STYXL2: variants seen among roughly 807,000 people sequenced by gnomAD.
STYXL2 encodes the protein serine/threonine/tyrosine-interacting-like protein 2.
In STYXL2, 44 loss-of-function variants were observed where a neutral mutation model predicts 52.4. That is an observed-to-expected ratio of 0.84 (90% CI 0.66 to 1.08). The LOEUF (loss-of-function observed/expected upper bound fraction) is 1.08, where lower values mean the gene tolerates loss of function less well. STYXL2 is among the 50% of genes least tolerant of loss of function. STYXL2 has a pLI of 0.00. For missense variants in STYXL2, 1,604 were observed against 1,471.7 expected, an observed-to-expected ratio of 1.09 and a Z score of -1.47; for synonymous variants, 604 against 586.9, an observed-to-expected ratio of 1.03 and a Z score of -0.42.
chr1:167,128,502 C>A lies in STYXL2; in HGVS notation c.3371C>A (p.Thr1124Asn), dbSNP rs2281959. The A allele has an allele frequency of 0.31, 504,726 of 1,613,284 alleles. 84,586 individuals carry two copies. Among genetic ancestry groups the A allele is most frequent in the East Asian group, 0.76 (34,218 of 44,788 alleles). ...SGRRSQYRRS[T>N]DREEEEEMDD... ...CGGCGGTCCCAGTATCGGAGAAGCA[C>A]TGACAGGGAGGAAGAGGAAGAAATG... Residue 1124 changes from threonine (T) to asparagine (N), a missense_variant, in exon 6 of 6, where the codon ACT becomes AAT. Thr to Asn is a moderately conservative substitution (Grantham distance 65). Coordinates refer to ENST00000361200, the MANE Select transcript of STYXL2 (RefSeq NM_001080426.3).
At chr1:167,116,130 C>G (rs77270177) in intron 3 of STYXL2, among the ~76,000 whole-genome samples, 2,011 of 152,328 alleles carry the variant, frequency 0.013, 57 homozygotes, top group African/African-American at 0.046. Context: ...TTCTCTCTCT[C>G]TCTCTATTCA....
rs1558029265 is a variant in STYXL2, at chr1:167,128,285, G to A, written c.3154G>A (p.Glu1052Lys). 1.9e-6 allele frequency: 3 copies of A among 1,614,136 alleles called. No individual in the cohort carries two copies. The highest frequency in any genetic ancestry group is 2.2e-5 in the South Asian group (2 of 91,074). The change falls in exon 6 of 6, where the codon GAA becomes AAA. Residue 1052 changes from glutamate to lysine, a missense_variant. Transcript: ENST00000361200. ...CCGGACCCCAGAGTCCTCAGAAAGG[G>A]AAGAGTCCCCAGAACCACAGCGCCC... ...FRRTPESSER[E>K]ESPEPQRPNW...
At position 167,127,337 on chromosome 1, in the gene STYXL2, G is replaced by A. The variant is rs747656470; in HGVS notation, c.2206G>A (p.Ala736Thr). 1 of 1,614,156 alleles carries A rather than the reference G, an allele frequency of 6.2e-7. No homozygotes were observed. ...WIANVVSETL[A>T]QKQNEMLLLS... ...TGCCAATGTAGTCAGTGAGACCCTT[G>A]CTCAGAAGCAAAATGAAATGCTGCT... Residue 736 changes from alanine to threonine, a missense_variant, in exon 6 of 6, where the codon GCT (alanine) becomes ACT (threonine). Ala to Thr is a moderately conservative substitution (Grantham distance 58, BLOSUM62 0). Transcript: ENST00000361200.
rs766543858 is a variant in STYXL2 at position 167,124,817 on chromosome 1, A to G, written c.656-970A>G. 3.3e-5 allele frequency among the ~76,000 whole-genome samples: 5 copies of G among 152,120 alleles called. No individual in the cohort carries two copies. The East Asian group carries it at 7.7e-4, about 23-fold the overall frequency. On this transcript the variant is annotated intron_variant, in intron 5 of 5. Transcript: ENST00000361200. ...TTCATTGTGTGACATATCCTCCCAT[A>G]TTGCAAGTTTATATGGTATCAGTAA... is the stretch of plus-strand genomic sequence containing the variant.
In STYXL2 at chr1:167,127,177, G is replaced by C; in HGVS notation, c.2046G>C (p.Gln682His). The stretch of plus-strand genomic sequence containing the variant: ...ACACGACGTCAGTACTGAGCACCCA[G>C]AGCCACCGCTCCCACCTGTCTCAGG... The part of the protein sequence containing the change: ...DGDTTSVLST[Q>H]SHRSHLSQAA... Residue 682 changes from glutamine to histidine, a missense_variant, in exon 6 of 6, where the codon CAG becomes CAC. Coordinates refer to ENST00000361200, the MANE Select transcript of STYXL2 (RefSeq NM_001080426.3). 1 of 1,614,170 alleles carries C rather than the reference G, an allele frequency of 6.2e-7. No individual in the cohort carries two copies. Among genetic ancestry groups the C allele is most frequent in the Non-Finnish European group, 8.5e-7 (1 of 1,180,002 alleles).
chr1:167,128,539 C>T lies in STYXL2; in HGVS notation c.3408C>T (p.Ala1136=), dbSNP rs1668026492. 3 of 1,613,838 alleles carry T rather than the reference C, an allele frequency of 1.9e-6. No homozygotes were observed. ...REEEEEMDDE[A]IIAAWRRRQE... ...AAGAGGAAGAAATGGACGATGAAGCCATCATTGCTGCTTGGAGACGCCGGC... is the reference window on the plus strand; with the variant it reads ...AAGAGGAAGAAATGGACGATGAAGCTATCATTGCTGCTTGGAGACGCCGGC... Residue 1136 remains alanine, a synonymous_variant, in exon 6 of 6, where the codon GCC becomes GCT. Transcript: ENST00000361200.
intron 2 of STYXL2, among the ~76,000 whole-genome samples, chr1:167,110,528 C>CA (rs1338753394): frequency 6.6e-5 from 10 of 152,024 alleles, no homozygotes; most frequent in South Asian, 6.2e-4. Flanking sequence ...GCATCAACAA[C>CA]AAAAAAATCA....
Position 167,094,877 on chromosome 1 carries a change from G to A in STYXL2, c.28G>A (p.Glu10Lys), listed in dbSNP as rs1667249014. The A allele has an allele frequency of 1.9e-6, 3 of 1,613,442 alleles. No individual in the cohort carries two copies. Among genetic ancestry groups the A allele is most frequent in the Non-Finnish European group, 2.5e-6 (3 of 1,179,840 alleles). ...GGCGACCAGAAAGGACACAGAGGAG[G>A]AGCAGGTAGTCCCAAGCGAGGAGGA... MATRKDTEE[E>K]QVVPSEEDEA... The change falls in exon 2 of 6, where the codon GAG becomes AAG. Residue 10 changes from glutamate to lysine, a missense_variant. Physicochemically the swap from Glu to Lys is moderately conservative, Grantham distance 56. Coordinates refer to ENST00000361200, the MANE Select transcript of STYXL2 (RefSeq NM_001080426.3).
In STYXL2 at chr1:167,129,045, G is replaced by C. The variant is rs1368202038; in HGVS notation, c.*437G>C. On this transcript the variant is annotated 3_prime_UTR_variant, in exon 6 of 6. Transcript: ENST00000361200. Reference sequence around the variant, plus strand: ...ACCCAGAAAGTCTATCCTATGGCAAGTCTGACCTCTCCTGGCAATGCTCAG... The same window carrying C: ...ACCCAGAAAGTCTATCCTATGGCAACTCTGACCTCTCCTGGCAATGCTCAG... 1 of 154,816 alleles carries C rather than the reference G, an allele frequency of 6.5e-6. No individual in the cohort carries two copies. The highest frequency in any genetic ancestry group is 1.4e-5 in the Non-Finnish European group (1 of 70,402). 9.6% of individuals were successfully genotyped at this position (154,816 alleles called of 1,614,324 possible).
At position 167,127,601 on chromosome 1, in the gene STYXL2, T is replaced by G. The variant is rs1668003418; in HGVS notation, c.2470T>G (p.Phe824Val). 2.5e-6 allele frequency: 4 copies of G among 1,614,068 alleles called. No individual in the cohort carries two copies. Among genetic ancestry groups the G allele is most frequent in the Admixed American group, 1.7e-5 (1 of 60,000 alleles). Residue 824 changes from phenylalanine (F) to valine (V), a missense_variant, in exon 6 of 6, where the codon TTC becomes GTC. Transcript: ENST00000361200. ...SKVRGTSKPI[F>V]SLFADNVDLK... is the part of the protein sequence containing the mutation. ...AGTGAGGGGGACCAGCAAGCCCATCTTCAGCCTCTTTGCTGACAATGTGGA... is the reference window on the plus strand; with the variant it reads ...AGTGAGGGGGACCAGCAAGCCCATCGTCAGCCTCTTTGCTGACAATGTGGA...
chr1:167,099,238 T>C (rs960424060), intron 2 of STYXL2, among the ~76,000 whole-genome samples: 1 of 152,198 alleles, frequency 6.6e-6, no homozygotes, highest in Non-Finnish European at 1.5e-5. Context: ...GTATGTATAT[T>C]TTTTAAAACT....
rs1301195734 is a variant in STYXL2, at chr1:167,113,794, C to T, written c.195C>T (p.Ile65=). 1 of 1,613,434 alleles carries T rather than the reference C, an allele frequency of 6.2e-7. No individual in the cohort carries two copies. ...CCTCAGCCATTGCAGCCAAACAGATCATCAATGAAGGTAATGCAATCAAAA... is the reference window on the plus strand; with the variant it reads ...CCTCAGCCATTGCAGCCAAACAGATTATCAATGAAGGTAATGCAATCAAAA... The part of the protein sequence containing the change: ...HLSSAIAAKQ[I]INEELKPPGV... Residue 65 remains isoleucine (I), a synonymous_variant, in exon 3 of 6, where the codon ATC becomes ATT. Coordinates refer to ENST00000361200, the MANE Select transcript of STYXL2 (RefSeq NM_001080426.3).
intron 2 of STYXL2, among the ~76,000 whole-genome samples, chr1:167,108,874 C>T (rs1418788982): frequency 6.6e-6 from 1 of 152,202 alleles, no homozygotes; most frequent in African/African-American, 2.4e-5. Flanking sequence ...GGAAAGTCTG[C>T]CTCCAAACAC....
chr1:167,126,332 G>A lies in STYXL2; in HGVS notation c.1201G>A (p.Glu401Lys), dbSNP rs1448560205. The change falls in exon 6 of 6, where the codon GAG (glutamate) becomes AAG (lysine). Residue 401 changes from glutamate (E) to lysine (K), a missense_variant. By Grantham distance (56) the Glu-to-Lys change is moderately conservative. Coordinates refer to ENST00000361200, the MANE Select transcript of STYXL2 (RefSeq NM_001080426.3). ...RIIQEWQSRN[E>K]RYQAEGYRRW... Reference sequence around the variant, plus strand: ...CATCCAGGAGTGGCAGAGCCGAAACGAGAGGTACCAAGCAGAAGGGTACCG... The same window carrying A: ...CATCCAGGAGTGGCAGAGCCGAAACAAGAGGTACCAAGCAGAAGGGTACCG... The A allele has an allele frequency of 1.3e-6, 2 of 1,523,224 alleles. No homozygotes were observed. Among genetic ancestry groups the A allele is most frequent in the Admixed American group, 2.1e-5 (1 of 47,248 alleles). The allele number at this position is 1,523,224 out of a possible 1,614,324, so 94.4% of individuals were successfully genotyped here.
intron 2 of STYXL2, among the ~76,000 whole-genome samples, chr1:167,099,002 T>C (rs988700098): frequency 1.3e-5 from 2 of 151,820 alleles, no homozygotes; most frequent in Non-Finnish European, 2.9e-5. Context: ...AGTACCAAGG[T>C]GATATTGTAA....
At chr1:167,120,008 G>A (rs1667817407) in intron 5 of STYXL2, among the ~76,000 whole-genome samples, 1 of 152,250 alleles carries the variant, frequency 6.6e-6, no homozygotes, top group Non-Finnish European at 1.5e-5. Context: ...GATGAGCATG[G>A]TGGATGAAGG....
In STYXL2 at chr1:167,128,700, T is replaced by C; in HGVS notation, c.*92T>C. 2.7e-6 allele frequency: 4 copies of C among 1,470,364 alleles called. No individual in the cohort carries two copies. Among genetic ancestry groups the C allele is most frequent in the Admixed American group, 2.6e-5 (1 of 38,750 alleles). The allele number at this position is 1,470,364 out of a possible 1,614,324, so 91.1% of individuals were successfully genotyped here. On this transcript the variant is annotated 3_prime_UTR_variant, in exon 6 of 6. Coordinates refer to ENST00000361200, the MANE Select transcript of STYXL2 (RefSeq NM_001080426.3). ...GCCACCACTCATCGCAGGATGAGGA[T>C]ACAGAGAGGATCTTCCAGAGGGGCA...
chr1:167,110,007 A>G (rs749497158), intron 2 of STYXL2, among the ~76,000 whole-genome samples: 3 of 152,220 alleles, frequency 2.0e-5, no homozygotes, highest in Non-Finnish European at 4.4e-5. Context: ...AGTTACTGGT[A>G]TCCATGGCTG....
chr1:167,113,708 AGGTATTCGAT>A lies in STYXL2; in HGVS notation c.113_122del (p.Tyr38SerfsTer103). Reference sequence around the variant, plus strand: ...TCTCACGTGAATATCCTCTTCCCTTAGGTATTCGATGGTCTCAGATGCAGAAACAGAAAGC... The same window carrying A: ...TCTCACGTGAATATCCTCTTCCCTTAGGTCTCAGATGCAGAAACAGAAAGC... On this transcript the variant is annotated splice_acceptor_variant and coding_sequence_variant, in exon 3 of 6. Coordinates refer to ENST00000361200, the MANE Select transcript of STYXL2 (RefSeq NM_001080426.3). LOFTEE classifies it high-confidence loss of function. 6.2e-7 allele frequency: 1 copy of A among 1,607,526 alleles called. No individual in the cohort carries two copies. The highest frequency in any genetic ancestry group is 1.1e-5 in the South Asian group (1 of 90,972).
Sources: allele counts gnomAD v4.1 joint callset (sites outside exome capture counted in the v4.1 genomes callset), GRCh38; gene constraint gnomAD v4.1.1; transcripts MANE v1.5; gene names NCBI Gene and HGNC (gene_info 2026-07-23, HGNC 2026-07-21).